The following HELB variants were observed in gnomAD, a reference collection of about 807,000 sequenced individuals.
HELB encodes DNA helicase B, also known as DNA 5'-3' helicase B.
In HELB, 96 loss-of-function variants were observed where a neutral mutation model predicts 101.7. The observed-to-expected ratio is 0.94, with a 90% CI of 0.80 to 1.12. The LOEUF (loss-of-function observed/expected upper bound fraction) is 1.12. Among genes scored for constraint, HELB ranks in the 50% most tolerant of loss-of-function variants. HELB has a pLI of 0.00. For synonymous variants in HELB, 437 were observed against 459.7 expected (o/e 0.95, Z 0.63); for missense variants, 1,210 against 1,291.9 (o/e 0.94, Z 0.97).
At chr12:66,307,298 A>T (rs1012314654) in intron 3 of HELB, among the ~76,000 whole-genome samples, 2 of 152,190 alleles carry the variant, frequency 1.3e-5, no homozygotes, top group African/African-American at 4.8e-5. Flanking sequence ...TGAGATTATT[A>T]TATATATTTA....
At chr12:66,304,024 C>T (rs78418851) in intron 1 of HELB, among the ~76,000 whole-genome samples, 1,785 of 152,254 alleles carry the variant, frequency 0.012, 39 homozygotes, top group African/African-American at 0.04. Flanking sequence ...GTGGACAGCG[C>T]AGATTTAGGC....
rs1436566349 is a variant in HELB, at chr12:66,331,176, T to C, written c.2693T>C (p.Val898Ala). 1 of 1,609,620 alleles carries C rather than the reference T, an allele frequency of 6.2e-7. No individual in the cohort carries two copies. The highest frequency in any genetic ancestry group is 8.5e-7 in the Non-Finnish European group (1 of 1,176,818). Residue 898 changes from valine (V) to alanine (A), a missense_variant, in exon 12 of 13, where the codon GTC (valine) becomes GCC (alanine). By Grantham distance (64) the Val-to-Ala change is moderately conservative. Around this residue, in one of 2 missense-constraint regions of HELB, gnomAD observed 740 missense variants for 728.8 expected, o/e 1.02. Coordinates refer to ENST00000247815, the MANE Select transcript of HELB (RefSeq NM_001370285.1). Reference protein sequence around the residue: ...TFQGSEEQTVVYVVGKAGRQH... With the variant: ...TFQGSEEQTVAYVVGKAGRQH... ...CAGGGGTCCGAGGAGCAAACAGTTG[T>C]CTATGTGGTGGGGAAGGCGGGCCGC...
chr12:66,340,792 G>A (rs1186120763), downstream of HELB: 1 of 152,798 alleles, frequency 6.5e-6, no homozygotes, highest in Non-Finnish European at 1.5e-5. Context: ...TGGGAGCCTA[G>A]GCCAGTCTCG....
At chr12:66,323,064 G>A (rs3741603) in intron 9 of HELB, among the ~76,000 whole-genome samples, 93,745 of 151,606 alleles carry the variant, frequency 0.62, 30,194 homozygotes, top group Middle Eastern at 0.8. Context: ...AGCATGGGGA[G>A]CTCAGGGGAA....
intron 1 of HELB, among the ~76,000 whole-genome samples, chr12:66,303,841 C>T (rs946634214): frequency 1.3e-5 from 2 of 152,028 alleles, no homozygotes; most frequent in Admixed American, 6.6e-5. Context: ...TTTAATGTGC[C>T]GACCGGTGCT....
Position 66,325,545 on chromosome 12 carries a change from G to C in HELB, c.2670+419G>C, listed in dbSNP as rs78186225. Among the ~76,000 whole-genome samples the C allele has an allele frequency of 8.8e-3, 1,336 of 152,210 alleles. 31 individuals carry two copies. The highest frequency in any genetic ancestry group is 0.03 in the African/African-American group (1,235 of 41,518). On this transcript the variant is annotated intron_variant, in intron 11 of 12. Coordinates refer to ENST00000247815, the MANE Select transcript of HELB (RefSeq NM_001370285.1). Reference sequence around the variant, plus strand: ...GTTTCTTGGGAACCCATTAAATTTTGTACTGGAGGTGAGTTCCTCACTTGC... The same window carrying C: ...GTTTCTTGGGAACCCATTAAATTTTCTACTGGAGGTGAGTTCCTCACTTGC...
chr12:66,315,024 A>G (rs1274788531), intron 5 of HELB, among the ~76,000 whole-genome samples: 1 of 152,036 alleles, frequency 6.6e-6, no homozygotes, highest in East Asian at 1.9e-4. Flanking sequence ...GTTGACTAAA[A>G]CATATGCCTG....
chr12:66,324,643 C>G, intron 10 of HELB: 1 of 287,212 alleles, frequency 3.5e-6, no homozygotes, highest in Non-Finnish European at 6.7e-6. Flanking sequence ...TCACTGAAAG[C>G]TGTGAGGAAA....
rs1389291639 is a variant in HELB at position 66,307,349 on chromosome 12, CAG to C, written c.777+837_777+838del. ...TGGAAGAGCAATTACATGTAAAAGG[CAG>C]ATAATAATAGTTTACCTTTTTGTTT... On this transcript the variant is annotated intron_variant, in intron 3 of 12. Transcript: ENST00000247815. Among the ~76,000 whole-genome samples the C allele has an allele frequency of 5.4e-4, 82 of 151,940 alleles. 1 individual carries two copies. The highest frequency in any genetic ancestry group is 9.4e-4 in the Non-Finnish European group (64 of 68,016).
chr12:66,314,050 CTTCGG>C lies in HELB; in HGVS notation c.1748_1752del (p.Ser583Ter). ...ACCACAAACAAACCATGGAAATTTT[CTTCGG>C]TTAGAGTTCTGGTTGTGGATGAAGG... On this transcript the variant is annotated frameshift_variant, in exon 5 of 13. Coordinates refer to ENST00000247815, the MANE Select transcript of HELB (RefSeq NM_001370285.1). LOFTEE classifies it high-confidence loss of function. The C allele has an allele frequency of 6.2e-7, 1 of 1,613,866 alleles. No individual in the cohort carries two copies.
Position 66,304,740 on chromosome 12 carries a change from G to T in HELB, c.197G>T (p.Cys66Phe), listed in dbSNP as rs776014114. ...GTTTGTTTTTTTTTAGTTTCTATTT[G>T]TGATGAAAACACACAAGAGACATGT... ...SLPGCLRVSI[C>F]DENTQETCKV... The change falls in exon 2 of 13, where the codon TGT (cysteine) becomes TTT (phenylalanine). Residue 66 changes from cysteine (C) to phenylalanine (F), a missense_variant. Physicochemically the swap from Cys to Phe is radical, Grantham distance 205. Around this residue, in one of 2 missense-constraint regions of HELB, gnomAD observed 470 missense variants for 563.1 expected, o/e 0.83. Coordinates refer to ENST00000247815, the MANE Select transcript of HELB (RefSeq NM_001370285.1). 3 of 1,581,204 alleles carry T rather than the reference G, an allele frequency of 1.9e-6. No homozygotes were observed. The Admixed American group carries it at 5.8e-5, about 30-fold the overall frequency.
At chr12:66,311,636 G>A (rs897911065) in intron 4 of HELB, among the ~76,000 whole-genome samples, 13 of 152,184 alleles carry the variant, frequency 8.5e-5, no homozygotes, top group Admixed American at 2.0e-4. Context: ...TTTGTAGGAT[G>A]AAAGTGAGGA....
At chr12:66,308,586 T>A (rs1161261040) in intron 3 of HELB, among the ~76,000 whole-genome samples, 2 of 152,222 alleles carry the variant, frequency 1.3e-5, no homozygotes, top group Non-Finnish European at 2.9e-5. Context: ...GCTACAAGTC[T>A]GAGATCAAGG....
chr12:66,303,453 AAACAACAAC>A (rs571564693), intron 1 of HELB, among the ~76,000 whole-genome samples: 3 of 151,760 alleles, frequency 2.0e-5, no homozygotes, highest in East Asian at 1.9e-4. Context: ...GTCTCTAGTA[AAACAACAAC>A]AACAACAACA....
intron 3 of HELB, among the ~76,000 whole-genome samples, chr12:66,308,272 A>T (rs550274434): frequency 2.2e-4 from 34 of 152,228 alleles, no homozygotes; most frequent in African/African-American, 7.5e-4. Flanking sequence ...GGTGGGGATA[A>T]GGCAGAGATT....
At chr12:66,326,858 C>A (rs1263966865) in intron 11 of HELB, among the ~76,000 whole-genome samples, 7 of 149,330 alleles carry the variant, frequency 4.7e-5, no homozygotes, top group African/African-American at 1.7e-4. Flanking sequence ...CATGGTAAAA[C>A]CCCATCTCTA....
At chr12:66,331,707 A>T in intron 12 of HELB, 62 bp downstream of exon 12, 1 of 1,431,212 alleles carries the variant, frequency 7.0e-7, no homozygotes. Context: ...CGGTGTGCTT[A>T]TAAATGACTG....
At chr12:66,306,750 TG>T (rs1461278410) in intron 3 of HELB, among the ~76,000 whole-genome samples, 1 of 152,122 alleles carries the variant, frequency 6.6e-6, no homozygotes, top group Admixed American at 6.5e-5. Flanking sequence ...AATTTGTAAA[TG>T]AAAAAAAATT....
At chr12:66,340,684 T>C, downstream of HELB, 1 of 184,804 alleles carries the variant, frequency 5.4e-6, no homozygotes, top group Non-Finnish European at 1.1e-5. Context: ...TCTGCAAGCC[T>C]GAGGAGCAAG....
Sources: allele counts gnomAD v4.1 joint callset (sites outside exome capture counted in the v4.1 genomes callset), GRCh38; gene constraint gnomAD v4.1.1; regional missense constraint gnomAD v4.1.1; transcripts MANE v1.5; gene names NCBI Gene and HGNC (gene_info 2026-07-23, HGNC 2026-07-21).